BLTP2: variants seen among roughly 807,000 people sequenced by gnomAD.
The protein encoded by BLTP2 is bridge-like lipid transfer protein family member 2.
chr17:28,615,352 C>T, the BLTP2 span: 1 of 958,432 alleles, frequency 1.0e-6, no homozygotes. Flanking sequence ...ATCCAAGGCA[C>T]AATGGGGCAA....
chr17:28,644,712 G>A, the BLTP2 span, among the ~76,000 whole-genome samples: 1 of 152,164 alleles, frequency 6.6e-6, no homozygotes, highest in Admixed American at 6.5e-5. Flanking sequence ...ACTGAACCAG[G>A]CCCCTTCCTC....
At chr17:28,634,145 CCTAT>C in the BLTP2 span, 7 of 1,453,708 alleles carry the variant, frequency 4.8e-6, no homozygotes, top group Non-Finnish European at 5.7e-6. Context: ...CACTCTCGGG[CCTAT>C]CTTTTTCCTC....
At chr17:28,643,126 CA>C in the BLTP2 span, 1 of 1,612,630 alleles carries the variant, frequency 6.2e-7, no homozygotes, top group South Asian at 1.1e-5. Flanking sequence ...CCAACCATGC[CA>C]AAGTACAGTC....
the BLTP2 span, chr17:28,639,784 C>T: frequency 6.9e-7 from 1 of 1,440,894 alleles, no homozygotes; most frequent in Non-Finnish European, 9.8e-7. Flanking sequence ...CAGTATGTTC[C>T]CTCCTTCCAC....
chr17:28,639,859 T>C, the BLTP2 span: 7 of 1,611,066 alleles, frequency 4.3e-6, no homozygotes, highest in Non-Finnish European at 5.9e-6. Context: ...GAGTATCTAG[T>C]CCTCCCATTC....
chr17:28,629,749 G>A, the BLTP2 span, among the ~76,000 whole-genome samples: 2 of 152,168 alleles, frequency 1.3e-5, no homozygotes, highest in East Asian at 1.9e-4. Flanking sequence ...AAAGTGCTGG[G>A]ATTACAGTCG....
chr17:28,623,558 T>G, the BLTP2 span, among the ~76,000 whole-genome samples: 1 of 147,458 alleles, frequency 6.8e-6, no homozygotes, highest in Non-Finnish European at 1.5e-5. Context: ...GAGTTTCTTT[T>G]GCAATGAAAT....
chr17:28,632,274 G>C, the BLTP2 span: 71 of 1,554,786 alleles, frequency 4.6e-5, no homozygotes, highest in Non-Finnish European at 5.8e-5. Context: ...CCTAGTTATG[G>C]ATGAAACACA....
the BLTP2 span, chr17:28,631,770 G>A: frequency 2.9e-5 from 46 of 1,603,244 alleles, no homozygotes; most frequent in Non-Finnish European, 3.5e-5. Context: ...AACTGAGAAG[G>A]GAAAAACAAG....
At chr17:28,636,708 G>T in the BLTP2 span, among the ~76,000 whole-genome samples, 2 of 152,054 alleles carry the variant, frequency 1.3e-5, no homozygotes, top group African/African-American at 4.8e-5. Flanking sequence ...AGAAGATCAG[G>T]TGTCATATTT....
At chr17:28,615,409 T>TAAA in the BLTP2 span, among the ~76,000 whole-genome samples, 1 of 152,248 alleles carries the variant, frequency 6.6e-6, no homozygotes, top group Non-Finnish European at 1.5e-5. Context: ...AGTCTAATTA[T>TAAA]AACCCCTTCT....
the BLTP2 span, chr17:28,615,742 C>G: frequency 6.2e-7 from 1 of 1,614,030 alleles, no homozygotes; most frequent in African/African-American, 1.3e-5. Flanking sequence ...TGTTGTGGTA[C>G]TCCAGACAGG....
the BLTP2 span, chr17:28,638,495 C>A: frequency 1.6e-5 from 25 of 1,599,430 alleles, no homozygotes; most frequent in Admixed American, 3.0e-4. Context: ...CGGACAGATT[C>A]TTGTTCCTAT....
the BLTP2 span, chr17:28,639,839 T>G: frequency 6.3e-7 from 1 of 1,596,572 alleles, no homozygotes; most frequent in Admixed American, 1.7e-5. Flanking sequence ...ATATGGGGCA[T>G]GAGCAAAGAG....
chr17:28,621,562 G>C, the BLTP2 span: 1 of 1,178,236 alleles, frequency 8.5e-7, no homozygotes, highest in East Asian at 2.3e-5. Context: ...TGGACAATTG[G>C]GTGACAGATC....
chr17:28,615,292 C>T, the BLTP2 span: 1 of 1,484,218 alleles, frequency 6.7e-7, no homozygotes, highest in Non-Finnish European at 9.2e-7. Context: ...TATTAGTGGG[C>T]AGGCAGAATA....
the BLTP2 span, chr17:28,645,141 G>C: frequency 8.9e-7 from 1 of 1,128,612 alleles, no homozygotes; most frequent in Non-Finnish European, 1.2e-6. Flanking sequence ...GCCGCGGGCC[G>C]ACCAGCTGCG....
chr17:28,643,710 G>A, the BLTP2 span: 4 of 1,527,644 alleles, frequency 2.6e-6, no homozygotes, highest in African/African-American at 4.1e-5. Context: ...AATAAGCCAC[G>A]AGCAGCTTGA....
At chr17:28,628,490 A>G in the BLTP2 span, 1 of 1,614,200 alleles carries the variant, frequency 6.2e-7, no homozygotes, top group Non-Finnish European at 8.5e-7. Flanking sequence ...GTTGTCCAGG[A>G]AATCCGTAAA....
Sources: allele counts gnomAD v4.1 joint callset (sites outside exome capture counted in the v4.1 genomes callset), GRCh38; gene constraint gnomAD v4.1.1; transcripts MANE v1.5; gene names NCBI Gene and HGNC (gene_info 2026-07-23, HGNC 2026-07-21).